SLC24A2: variants seen among roughly 807,000 people sequenced by gnomAD.
SLC24A2 encodes solute carrier family 24 member 2.
In SLC24A2, 36 loss-of-function variants were observed where a neutral mutation model predicts 62.0. The ratio of observed to expected loss-of-function variants is 0.58; its 90% CI spans 0.44 to 0.77. The LOEUF (loss-of-function observed/expected upper bound fraction) is 0.77. Ranked by LOEUF, SLC24A2 falls within the 30% of genes least tolerant of loss-of-function variation. SLC24A2 has a pLI of 0.00. For missense variants in SLC24A2, 846 were observed against 817.9 expected, an observed-to-expected ratio of 1.03 and a Z score of -0.42; for synonymous variants, 358 against 294.0, an observed-to-expected ratio of 1.22 and a Z score of -2.23.
At chr9:19,626,510 C>T (rs1349378161) in intron 2 of SLC24A2, among the ~76,000 whole-genome samples, 2 of 152,180 alleles carry the variant, frequency 1.3e-5, no homozygotes, top group East Asian at 3.8e-4. Context: ...ACTTCCACCA[C>T]TTTAACATTC....
At chr9:20,058,960 C>T in the SLC24A2 span, among the ~76,000 whole-genome samples, 1 of 152,192 alleles carries the variant, frequency 6.6e-6, no homozygotes, top group African/African-American at 2.4e-5. Flanking sequence ...ACACTCTTCT[C>T]CCTATTTCTG....
At chr9:20,051,657 C>CTTTTTTTCTT in the SLC24A2 span, among the ~76,000 whole-genome samples, 1 of 73,514 alleles carries the variant, frequency 1.4e-5, no homozygotes, top group African/African-American at 6.1e-5. Flanking sequence ...TTTTCTTTCT[C>CTTTTTTTCTT]TTTTTTTTTT....
chr9:19,612,739 T>C lies in SLC24A2; in HGVS notation c.1078+6845A>G, dbSNP rs1387061643. Among the ~76,000 whole-genome samples, 3 of 151,036 alleles carry C rather than the reference T, an allele frequency of 2.0e-5. No homozygotes were observed. In the East Asian group the frequency reaches 5.8e-4, roughly 29 times the overall value. On this transcript the variant is annotated intron_variant, in intron 4 of 10. Transcript: ENST00000341998. The stretch of plus-strand genomic sequence containing the variant: ...TCAAAGACAGGAAACAAGCTGGGTA[T>C]GGTGTCTTGTACCTGTAGTCCCACC...
chr9:20,280,508 G>A, the SLC24A2 span, among the ~76,000 whole-genome samples: 55 of 152,292 alleles, frequency 3.6e-4, no homozygotes, highest in African/African-American at 1.2e-3. Context: ...AAGTTGCCCT[G>A]AATGATTGTG....
At chr9:19,720,874 T>C (rs1821006830) in intron 2 of SLC24A2, among the ~76,000 whole-genome samples, 1 of 141,368 alleles carries the variant, frequency 7.1e-6, no homozygotes, top group African/African-American at 2.5e-5. Context: ...TGTGTGTGTG[T>C]GTGTGTGTTG....
chr9:20,070,033 T>C, the SLC24A2 span, among the ~76,000 whole-genome samples: 4 of 152,198 alleles, frequency 2.6e-5, no homozygotes, highest in Non-Finnish European at 5.9e-5. Context: ...TCCAGGAAAA[T>C]CTTTGACTTA....
the SLC24A2 span, among the ~76,000 whole-genome samples, chr9:19,985,114 T>C: frequency 1.3e-5 from 2 of 152,180 alleles, no homozygotes; most frequent in Non-Finnish European, 1.5e-5. Context: ...TCTAAAAATC[T>C]TGTACATAAA....
At chr9:19,897,012 A>G in the SLC24A2 span, among the ~76,000 whole-genome samples, 1 of 151,990 alleles carries the variant, frequency 6.6e-6, no homozygotes, top group East Asian at 1.9e-4. Context: ...TGTATTGCCA[A>G]CAGAGCTCAC....
the SLC24A2 span, among the ~76,000 whole-genome samples, chr9:20,161,420 G>T: frequency 6.6e-6 from 1 of 151,202 alleles, no homozygotes; most frequent in African/African-American, 2.4e-5. Flanking sequence ...TTTAAAAATA[G>T]TACAAAAAAG....
chr9:20,175,484 T>C, the SLC24A2 span, among the ~76,000 whole-genome samples: 11 of 152,170 alleles, frequency 7.2e-5, no homozygotes, highest in Middle Eastern at 3.4e-3. Flanking sequence ...CACTTACAAA[T>C]AGTTAAAATG....
Position 19,576,949 on chromosome 9 carries a change from C to T in SLC24A2, c.1203G>A (p.Arg401=). The T allele has an allele frequency of 6.2e-7, 1 of 1,613,996 alleles. No homozygotes were observed. The highest frequency in any genetic ancestry group is 2.2e-5 in the East Asian group (1 of 44,872). Residue 401 remains arginine (R), a synonymous_variant, in exon 6 of 11, where the codon AGG becomes AGA. Transcript: ENST00000341998. ...KKKCHVDENE[R]QNGAANHVEK... is the part of the protein sequence containing the mutation. ...CCACGTGGTTGGCAGCCCCATTCTGCCTCTCGTTCTCATCCACATGACATT... is the reference window on the plus strand; with the variant it reads ...CCACGTGGTTGGCAGCCCCATTCTGTCTCTCGTTCTCATCCACATGACATT...
the SLC24A2 span, among the ~76,000 whole-genome samples, chr9:19,997,515 G>T: frequency 6.6e-6 from 1 of 152,142 alleles, no homozygotes; most frequent in Non-Finnish European, 1.5e-5. Flanking sequence ...ATCAGAGGAG[G>T]TGGTCAGGAT....
At chr9:20,104,574 C>G in the SLC24A2 span, among the ~76,000 whole-genome samples, 1 of 152,142 alleles carries the variant, frequency 6.6e-6, no homozygotes, top group East Asian at 1.9e-4. Flanking sequence ...AACTTTCAAC[C>G]CAGAATTTCA....
At chr9:19,518,207 A>G (rs1203678337) in intron 10 of SLC24A2, among the ~76,000 whole-genome samples, 1 of 152,186 alleles carries the variant, frequency 6.6e-6, no homozygotes. Flanking sequence ...ATAGTAAATA[A>G]GTAAATGTAA....
At chr9:19,700,325 C>T (rs542578046) in intron 2 of SLC24A2, among the ~76,000 whole-genome samples, 12 of 152,240 alleles carry the variant, frequency 7.9e-5, no homozygotes, top group South Asian at 6.2e-4. Context: ...AGCTTTCTTC[C>T]TTTCTTAGGC....
intron 2 of SLC24A2, among the ~76,000 whole-genome samples, chr9:19,690,197 G>A (rs572989163): frequency 2.0e-5 from 3 of 151,946 alleles, no homozygotes; most frequent in South Asian, 2.1e-4. Context: ...ACACACACGC[G>A]CATGCATACA....
the SLC24A2 span, among the ~76,000 whole-genome samples, chr9:20,302,675 C>T: frequency 6.6e-6 from 1 of 152,160 alleles, no homozygotes; most frequent in South Asian, 2.1e-4. Context: ...CAGTCTATGG[C>T]TTGTCTTCTC....
At chr9:20,289,369 G>T in the SLC24A2 span, among the ~76,000 whole-genome samples, 1 of 152,084 alleles carries the variant, frequency 6.6e-6, no homozygotes, top group Non-Finnish European at 1.5e-5. Flanking sequence ...GACACAGAAA[G>T]ACAAAGCAAT....
the SLC24A2 span, among the ~76,000 whole-genome samples, chr9:20,300,886 G>A: frequency 2.0e-5 from 3 of 152,184 alleles, no homozygotes; most frequent in Non-Finnish European, 4.4e-5. Context: ...TAAAAGCAGG[G>A]ACATTTGCCT....
Sources: allele counts gnomAD v4.1 joint callset (sites outside exome capture counted in the v4.1 genomes callset), GRCh38; gene constraint gnomAD v4.1.1; transcripts MANE v1.5; gene names NCBI Gene and HGNC (gene_info 2026-07-23, HGNC 2026-07-21).